NEDD1: variants seen among roughly 807,000 people sequenced by gnomAD.
NEDD1 encodes the protein protein NEDD1.
NEDD1 carries 33 observed loss-of-function variants against 74.0 expected under a neutral mutation model. That is an observed-to-expected ratio of 0.45 (90% CI 0.34 to 0.60). NEDD1 has a LOEUF of 0.60. Among genes scored for constraint, NEDD1 ranks in the 20% least tolerant of loss-of-function variants. NEDD1 has a pLI of 0.01. For synonymous variants in NEDD1, 250 were observed against 264.4 expected (o/e 0.95, Z 0.53); for missense variants, 746 against 776.5 (o/e 0.96, Z 0.47).
At chr12:96,912,974 T>A (rs1346266276) in intron 4 of NEDD1, among the ~76,000 whole-genome samples, 157 bp downstream of exon 4, 1 of 152,168 alleles carries the variant, frequency 6.6e-6, no homozygotes, top group Non-Finnish European at 1.5e-5. Context: ...AAATGAGATA[T>A]GTGTACTTAC....
intron 10 of NEDD1, among the ~76,000 whole-genome samples, chr12:96,941,231 A>G (rs1461439782): frequency 6.6e-6 from 1 of 152,090 alleles, no homozygotes; most frequent in African/African-American, 2.4e-5. Context: ...GAAGCCCACA[A>G]AGATTTGTGT....
At chr12:96,919,048 A>T (rs904659006) in intron 5 of NEDD1, among the ~76,000 whole-genome samples, 2 of 152,162 alleles carry the variant, frequency 1.3e-5, no homozygotes, top group Non-Finnish European at 2.9e-5. Flanking sequence ...TACAGGGCTT[A>T]GTTTGTTTGT....
rs573252176 is a variant in NEDD1, at chr12:96,934,903, A to G, written c.490-73A>G. On this transcript the variant is annotated intron_variant, in intron 6 of 15. Transcript: ENST00000266742. ...CATGTGAATAGTGTGGTTGGCCATA[A>G]TTTATATGGCTTATATCAAATGTCC... The G allele has an allele frequency of 3.3e-5, 33 of 985,304 alleles. 2 individuals are homozygous for G. In the South Asian group the frequency reaches 4.6e-4, roughly 14 times the overall value. 61.0% of individuals were successfully genotyped at this position (985,304 alleles called of 1,614,324 possible). A position where few individuals can be genotyped will look rare whatever the true frequency, so the allele number is the denominator to read the frequency against.
intron 5 of NEDD1, among the ~76,000 whole-genome samples, chr12:96,918,492 C>A (rs1874711965): frequency 6.6e-6 from 1 of 152,068 alleles, no homozygotes; most frequent in Non-Finnish European, 1.5e-5. Flanking sequence ...TTCACTTACC[C>A]CATCCCTGCA....
chr12:96,931,559 A>G (rs1311762453), intron 6 of NEDD1, among the ~76,000 whole-genome samples: 1 of 152,228 alleles, frequency 6.6e-6, no homozygotes, highest in Non-Finnish European at 1.5e-5. Context: ...CCTTTAAGGC[A>G]TGAACATCAA....
intron 7 of NEDD1, among the ~76,000 whole-genome samples, chr12:96,935,928 G>A (rs1034759711): frequency 6.6e-6 from 1 of 152,188 alleles, no homozygotes; most frequent in African/African-American, 2.4e-5. Flanking sequence ...TACAAGGGAA[G>A]GTCCCACTGT....
At chr12:96,926,103 G>A (rs1168388230) in intron 6 of NEDD1, among the ~76,000 whole-genome samples, 2 of 152,108 alleles carry the variant, frequency 1.3e-5, no homozygotes, top group African/African-American at 4.8e-5. Flanking sequence ...TAAGAGGTCA[G>A]TGGATGTTAG....
intron 14 of NEDD1, among the ~76,000 whole-genome samples, chr12:96,950,138 A>G (rs900324533): frequency 1.3e-5 from 2 of 152,058 alleles, no homozygotes; most frequent in African/African-American, 4.8e-5. Flanking sequence ...AAAGATATGA[A>G]AAAGCATTTC....
intron 6 of NEDD1, among the ~76,000 whole-genome samples, chr12:96,931,160 A>G (rs1208888741): frequency 6.6e-6 from 1 of 152,160 alleles, no homozygotes; most frequent in South Asian, 2.1e-4. Context: ...GTATGTTCAT[A>G]TGTATGTTAA....
In NEDD1 at chr12:96,936,754, G is replaced by C; in HGVS notation, c.863G>C (p.Ser288Thr). ...RMLKSPVKTI[S>T]AHKTSVQCIA... ...TTGAAATCACCAGTTAAGACCATCA[G>C]TGCTCACAAGACATCTGTGCAGTGT... Residue 288 changes from serine to threonine, a missense_variant, in exon 8 of 16, where the codon AGT becomes ACT. By Grantham distance (58) the Ser-to-Thr change is moderately conservative. This residue lies in a region of NEDD1 where 706 missense variants were observed against 706.7 expected (regional missense o/e 1.00). Transcript: ENST00000266742. 12 of 1,612,910 alleles carry C rather than the reference G, an allele frequency of 7.4e-6. No homozygotes were observed. Among genetic ancestry groups the C allele is most frequent in the Non-Finnish European group, 1.0e-5 (12 of 1,179,004 alleles).
chr12:96,942,462 AT>A, intron 10 of NEDD1, 114 bp from the exon 11 acceptor site: 2 of 668,910 alleles, frequency 3.0e-6, no homozygotes, highest in South Asian at 3.6e-5. Context: ...CATCACTCAT[AT>A]TTAGCTTTTT....
At chr12:96,907,999 A>G (rs931187645) in intron 2 of NEDD1, 143 bp downstream of exon 2, 2 of 471,478 alleles carry the variant, frequency 4.2e-6, no homozygotes, top group Non-Finnish European at 6.2e-6. Flanking sequence ...TGATCTACCC[A>G]CTACACCCCG....
chr12:96,930,700 G>C (rs55847672), intron 6 of NEDD1, among the ~76,000 whole-genome samples: 1 of 151,888 alleles, frequency 6.6e-6, no homozygotes, highest in Non-Finnish European at 1.5e-5. Flanking sequence ...CCACTCTTAC[G>C]AGTTAAGGCA....
chr12:96,932,215 A>G (rs1409401703), intron 6 of NEDD1, among the ~76,000 whole-genome samples: 1 of 151,022 alleles, frequency 6.6e-6, no homozygotes, highest in African/African-American at 2.4e-5. Flanking sequence ...AAGCTTCTTG[A>G]TTTAATTCTT....
chr12:96,937,799 AT>A (rs1877277777), intron 9 of NEDD1, among the ~76,000 whole-genome samples: 2 of 152,174 alleles, frequency 1.3e-5, no homozygotes, highest in Admixed American at 6.6e-5. Context: ...GAATGTTGCA[AT>A]TTCTAATGAT....
intron 14 of NEDD1, among the ~76,000 whole-genome samples, chr12:96,947,359 C>G (rs1878296981): frequency 6.6e-6 from 1 of 152,112 alleles, no homozygotes; most frequent in African/African-American, 2.4e-5. Flanking sequence ...GAAAGGTACA[C>G]TGAAGAGATT....
In NEDD1 at chr12:96,944,627, T is replaced by C; in HGVS notation, c.1498-12T>C. ...TTGTATATTAAAGTCATTATTTATT[T>C]TAAATATAAAGTTAGCAAAGTTGGT... On this transcript the variant is annotated splice_polypyrimidine_tract_variant and intron_variant, in intron 12 of 15. Coordinates refer to ENST00000266742, the MANE Select transcript of NEDD1 (RefSeq NM_152905.4). 1 of 1,524,850 alleles carries C rather than the reference T, an allele frequency of 6.6e-7. No homozygotes were observed. Among genetic ancestry groups the C allele is most frequent in the Non-Finnish European group, 8.9e-7 (1 of 1,121,396 alleles). The allele number at this position is 1,524,850 out of a possible 1,614,324, so 94.5% of individuals were successfully genotyped here. A position where few individuals can be genotyped will look rare whatever the true frequency, so the allele number is the denominator to read the frequency against.
chr12:96,943,456 T>A, intron 11 of NEDD1, 104 bp from the exon 12 acceptor site: 1 of 752,552 alleles, frequency 1.3e-6, no homozygotes, highest in Non-Finnish European at 2.3e-6. Context: ...AGAATGCAGA[T>A]CCATATCTTC....
At chr12:96,940,316 CA>C in intron 9 of NEDD1, 92 bp from the exon 10 acceptor site, 1 of 660,958 alleles carries the variant, frequency 1.5e-6, no homozygotes, top group Non-Finnish European at 2.5e-6. Context: ...ATATTACCAA[CA>C]ATATGAGTGA....
Sources: allele counts gnomAD v4.1 joint callset (sites outside exome capture counted in the v4.1 genomes callset), GRCh38; gene constraint gnomAD v4.1.1; regional missense constraint gnomAD v4.1.1; transcripts MANE v1.5; gene names NCBI Gene and HGNC (gene_info 2026-07-23, HGNC 2026-07-21).